The following ATXN10 variants were observed in gnomAD, a reference collection of about 807,000 sequenced individuals.
ATXN10 encodes ataxin-10.
In ATXN10, 28 loss-of-function variants were observed where a neutral mutation model predicts 52.9. The observed-to-expected ratio is 0.53, with a 90% CI of 0.39 to 0.73. The LOEUF is 0.73. ATXN10 is among the 30% of genes least tolerant of loss of function. The pLI is 0.00. For synonymous variants in ATXN10, 226 were observed against 221.5 expected, an observed-to-expected ratio of 1.02 and a Z score of -0.18; for missense variants, 565 against 577.0, an observed-to-expected ratio of 0.98 and a Z score of 0.21.
chr22:45,689,846 G>A lies in ATXN10; in HGVS notation c.251G>A (p.Cys84Tyr). ...LASSLQLITE[C>Y]FRCLRNACIE... ...TCCAGTCTGCAGTTAATAACAGAAT[G>A]CTTCAGGTGTCTTCGCAATGCTTGC... The change falls in exon 2 of 12, where the codon TGC becomes TAC. Residue 84 changes from cysteine to tyrosine, a missense_variant. Cys to Tyr is a radical substitution (Grantham distance 194, BLOSUM62 -2). Transcript: ENST00000252934. 6.2e-7 allele frequency: 1 copy of A among 1,614,206 alleles called. No homozygotes were observed. Among genetic ancestry groups the A allele is most frequent in the Non-Finnish European group, 8.5e-7 (1 of 1,180,038 alleles).
chr22:45,743,869 G>T (rs1179469805), intron 9 of ATXN10, among the ~76,000 whole-genome samples: 1 of 152,204 alleles, frequency 6.6e-6, no homozygotes, highest in Non-Finnish European at 1.5e-5. Context: ...ATTTGGATTT[G>T]TTTGCCTATT....
intron 10 of ATXN10, among the ~76,000 whole-genome samples, chr22:45,810,610 AC>A (rs1928249960): frequency 6.6e-6 from 1 of 152,178 alleles, no homozygotes; most frequent in Non-Finnish European, 1.5e-5. Flanking sequence ...TTAGTTTCCA[AC>A]CCAAGAACAT....
intron 7 of ATXN10, among the ~76,000 whole-genome samples, chr22:45,734,602 C>T (rs1209455816): frequency 1.4e-5 from 2 of 144,948 alleles, no homozygotes; most frequent in Admixed American, 1.4e-4. Flanking sequence ...TAAGTAAATT[C>T]TCCACTTAGA....
chr22:45,683,870 C>T lies in ATXN10; in HGVS notation c.117-5842C>T, dbSNP rs1431595630. Among the ~76,000 whole-genome samples, 1 of 152,202 alleles carries T rather than the reference C, an allele frequency of 6.6e-6. No homozygotes were observed. The highest frequency in any genetic ancestry group is 6.6e-5 in the Admixed American group (1 of 15,266). On this transcript the variant is annotated intron_variant, in intron 1 of 11. Transcript: ENST00000252934. This position sits in a 1 kb window ranked among gnomAD's most constrained non-coding sequence, Gnocchi z 4.8. ...AAGTTACCATGTATACACAGTTCTG[C>T]TCTTGGGCTGTCTTTTCCAGTGGTT...
Position 45,678,251 on chromosome 22 carries a change from A to G in ATXN10, c.116+6072A>G, listed in dbSNP as rs1445004955. The stretch of plus-strand genomic sequence containing the variant: ...TTATGTTATATATATGTATTTTACC[A>G]CAGTTAAAAAAATTAATAATACAAT... On this transcript the variant is annotated intron_variant, in intron 1 of 11. Coordinates refer to ENST00000252934, the MANE Select transcript of ATXN10 (RefSeq NM_013236.4). This position sits in a 1 kb window ranked among gnomAD's most constrained non-coding sequence, Gnocchi z 4.1. 6.6e-6 allele frequency: 1 copy of G among 152,254 alleles called. No homozygotes were observed. The highest frequency in any genetic ancestry group is 1.5e-5 in the Non-Finnish European group (1 of 68,044). 9.4% of individuals were successfully genotyped at this position (152,254 alleles called of 1,614,324 possible).
chr22:45,754,279 C>T lies in ATXN10; in HGVS notation c.1173+13741C>T, dbSNP rs1474447455. ...ATTCTAGGATATTCTTGCTTTCTACCCAGGCAACACCTCACATGTTGACTT... is the reference window on the plus strand; with the variant it reads ...ATTCTAGGATATTCTTGCTTTCTACTCAGGCAACACCTCACATGTTGACTT... On this transcript the variant is annotated intron_variant, in intron 9 of 11. Coordinates refer to ENST00000252934, the MANE Select transcript of ATXN10 (RefSeq NM_013236.4). This position sits in a 1 kb window ranked among gnomAD's most constrained non-coding sequence, Gnocchi z 5.4. Among the ~76,000 whole-genome samples, 3 of 152,190 alleles carry T rather than the reference C, an allele frequency of 2.0e-5. No homozygotes were observed. Among genetic ancestry groups the T allele is most frequent in the Non-Finnish European group, 4.4e-5 (3 of 68,044 alleles).
Position 45,789,520 on chromosome 22 carries a change from A to G in ATXN10, c.1174-17439A>G, listed in dbSNP as rs1237486949. Among the ~76,000 whole-genome samples, 2 of 152,226 alleles carry G rather than the reference A, an allele frequency of 1.3e-5. No homozygotes were observed. The highest frequency in any genetic ancestry group is 2.4e-5 in the African/African-American group (1 of 41,464). On this transcript the variant is annotated intron_variant, in intron 9 of 11. Coordinates refer to ENST00000252934, the MANE Select transcript of ATXN10 (RefSeq NM_013236.4). The surrounding 1 kb of genome is among the most constrained non-coding windows in gnomAD (Gnocchi z 4.0). Reference sequence around the variant, plus strand: ...AGCTGCTCTGTATACCATGGACGCTATACAGCTCAACTCAAAGAGGGATTC... The same window carrying G: ...AGCTGCTCTGTATACCATGGACGCTGTACAGCTCAACTCAAAGAGGGATTC...
chr22:45,830,681 C>T (rs1024571587), intron 10 of ATXN10, among the ~76,000 whole-genome samples: 5 of 148,604 alleles, frequency 3.4e-5, no homozygotes, highest in African/African-American at 1.2e-4. Flanking sequence ...AGGATAGCCA[C>T]TATACAAAAC....
intron 9 of ATXN10, among the ~76,000 whole-genome samples, chr22:45,747,924 A>G (rs1925797723): frequency 6.6e-6 from 1 of 151,734 alleles, no homozygotes; most frequent in Non-Finnish European, 1.5e-5. Context: ...CTCTAAAAAA[A>G]TAAAATAAAT....
intron 7 of ATXN10, among the ~76,000 whole-genome samples, chr22:45,731,638 C>T (rs1379916818): frequency 6.6e-6 from 1 of 152,156 alleles, no homozygotes; most frequent in Non-Finnish European, 1.5e-5. Context: ...CCACTGTCCA[C>T]AGGCGGGAAT....
rs148153097 is a variant in ATXN10 at position 45,769,949 on chromosome 22, A to G, written c.1173+29411A>G. Among the ~76,000 whole-genome samples, 3 of 152,382 alleles carry G rather than the reference A, an allele frequency of 2.0e-5. No homozygotes were observed. Among genetic ancestry groups the G allele is most frequent in the East Asian group, 3.9e-4 (2 of 5,192 alleles). On this transcript the variant is annotated intron_variant, in intron 9 of 11. Transcript: ENST00000252934. This position sits in a 1 kb window ranked among gnomAD's most constrained non-coding sequence, Gnocchi z 4.2. ...GTTACCACAAGTATTTTGTCACTCT[A>G]TAAATACAGTTCTAAATAAAGGTTC...
Position 45,727,382 on chromosome 22 carries a change from T to C in ATXN10, c.729-2043T>C, listed in dbSNP as rs944878128. On this transcript the variant is annotated intron_variant, in intron 6 of 11. Transcript: ENST00000252934. The surrounding 1 kb of genome is among the most constrained non-coding windows in gnomAD (Gnocchi z 4.6). ...ATCTATCTATCTATCTATCTGAGACTGAGTCTCGCTCTGTTGCCCAGGCTG... is the reference window on the plus strand; with the variant it reads ...ATCTATCTATCTATCTATCTGAGACCGAGTCTCGCTCTGTTGCCCAGGCTG... Among the ~76,000 whole-genome samples the C allele has an allele frequency of 2.0e-5, 3 of 150,554 alleles. No homozygotes were observed. The East Asian group carries it at 5.9e-4, about 29-fold the overall frequency.
At chr22:45,756,411 T>A (rs929485816) in intron 9 of ATXN10, among the ~76,000 whole-genome samples, 1 of 151,830 alleles carries the variant, frequency 6.6e-6, no homozygotes, top group Non-Finnish European at 1.5e-5. Flanking sequence ...CCCAAAGCAT[T>A]GGAATTATAG....
chr22:45,746,793 C>G (rs962297042), intron 9 of ATXN10, among the ~76,000 whole-genome samples: 1 of 152,178 alleles, frequency 6.6e-6, no homozygotes, highest in Admixed American at 6.5e-5. Context: ...CTGCTCACCC[C>G]CTGACTTACA....
rs1927453954 is a variant in ATXN10, at chr22:45,790,073, A to G, written c.1174-16886A>G. The stretch of plus-strand genomic sequence containing the variant: ...TTTCCAGAGAGATATTAAAATCCAA[A>G]GATAACATTGCATTTTAAATTAAAG... On this transcript the variant is annotated intron_variant, in intron 9 of 11. Transcript: ENST00000252934. This position sits in a 1 kb window ranked among gnomAD's most constrained non-coding sequence, Gnocchi z 4.7. Among the ~76,000 whole-genome samples, 1 of 152,260 alleles carries G rather than the reference A, an allele frequency of 6.6e-6. No individual in the cohort carries two copies. Among genetic ancestry groups the G allele is most frequent in the South Asian group, 2.1e-4 (1 of 4,836 alleles).
At chr22:45,738,876 A>C (rs1283805169) in intron 8 of ATXN10, 37 bp downstream of exon 8, 2 of 1,532,388 alleles carry the variant, frequency 1.3e-6, no homozygotes, top group Non-Finnish European at 1.8e-6. Context: ...TTTAGCTAAG[A>C]AATCTTTGGC....
intron 9 of ATXN10, among the ~76,000 whole-genome samples, chr22:45,797,046 C>CAT (rs1454139613): frequency 6.6e-6 from 1 of 152,174 alleles, no homozygotes; most frequent in Admixed American, 6.5e-5. Flanking sequence ...ATAGCCTAAA[C>CAT]ATACATTGCT....
chr22:45,795,158 GAGAC>G lies in ATXN10; in HGVS notation c.1174-11798_1174-11795del, dbSNP rs1444819434. 3.9e-5 allele frequency among the ~76,000 whole-genome samples: 6 copies of G among 152,124 alleles called. No individual in the cohort carries two copies. Among genetic ancestry groups the G allele is most frequent in the Non-Finnish European group, 8.8e-5 (6 of 68,026 alleles). On this transcript the variant is annotated intron_variant, in intron 9 of 11. Transcript: ENST00000252934. This position sits in a 1 kb window ranked among gnomAD's most constrained non-coding sequence, Gnocchi z 4.6. ...GTGCAACCACTTTTAGAAAAAGAGA[GAGAC>G]AGTTAACAAGCCAGTATTGGAGAAA...
chr22:45,802,713 C>G (rs971571793), intron 9 of ATXN10, among the ~76,000 whole-genome samples: 1 of 152,188 alleles, frequency 6.6e-6, no homozygotes, highest in Admixed American at 6.5e-5. Flanking sequence ...TTTTTAAGAA[C>G]TCTTTAGTTC....
Sources: allele counts gnomAD v4.1 joint callset (sites outside exome capture counted in the v4.1 genomes callset), GRCh38; gene constraint gnomAD v4.1.1; non-coding constraint Gnocchi (gnomAD v3.1); transcripts MANE v1.5; gene names NCBI Gene and HGNC (gene_info 2026-07-23, HGNC 2026-07-21).